The following PTPRD variants were observed in gnomAD, a reference collection of about 807,000 sequenced individuals.
The protein encoded by PTPRD is protein tyrosine phosphatase receptor type D, also known as receptor-type tyrosine-protein phosphatase delta.
A neutral mutation model predicts 214.5 loss-of-function variants in PTPRD; 34 were observed. That is an observed-to-expected ratio of 0.16 (90% confidence interval 0.12 to 0.21). The LOEUF (loss-of-function observed/expected upper bound fraction) is 0.21, where lower values mean the gene tolerates loss of function less well. PTPRD is among the 10% of genes least tolerant of loss of function. PTPRD has a pLI of 1.00. For synonymous variants in PTPRD, 1,128 were observed against 845.7 expected (o/e 1.33, Z -5.79); for missense variants, 2,545 against 2,398.7 (o/e 1.06, Z -1.27).
chr9:8,592,878 C>T (rs1472606504), intron 14 of PTPRD, among the ~76,000 whole-genome samples: 1 of 152,118 alleles, frequency 6.6e-6, no homozygotes, highest in East Asian at 1.9e-4. Flanking sequence ...GTGGTAGCAC[C>T]TAAGTTGAAT....
intron 2 of PTPRD, among the ~76,000 whole-genome samples, chr9:10,597,619 C>G (rs553802347): frequency 6.6e-6 from 1 of 151,838 alleles, no homozygotes; most frequent in East Asian, 1.9e-4. Flanking sequence ...TTAACGCATT[C>G]TGCACTTCAA....
At chr9:9,588,824 T>G (rs598356) in intron 7 of PTPRD, among the ~76,000 whole-genome samples, 47,526 of 151,746 alleles carry the variant, frequency 0.31, 7,876 homozygotes, top group Non-Finnish European at 0.36. Context: ...GAGGAATTAT[T>G]AAGAGCCAGA....
At chr9:10,228,955 T>C (rs1407913) in intron 3 of PTPRD, among the ~76,000 whole-genome samples, 100,643 of 151,660 alleles carry the variant, frequency 0.66, 35,958 homozygotes, top group Non-Finnish European at 0.79. Context: ...AAATAAGGCA[T>C]TGCTTCTTAA....
At chr9:9,783,337 C>A (rs1486832519) in intron 5 of PTPRD, among the ~76,000 whole-genome samples, 1 of 152,084 alleles carries the variant, frequency 6.6e-6, no homozygotes, top group African/African-American at 2.4e-5. Flanking sequence ...AATATCTGAG[C>A]TAATAATTGG....
chr9:9,807,780 TCATGATGCTAA>T (rs1255433440), intron 5 of PTPRD, among the ~76,000 whole-genome samples: 1 of 152,198 alleles, frequency 6.6e-6, no homozygotes, highest in Non-Finnish European at 1.5e-5. Flanking sequence ...GGATTTCTAC[TCATGATGCTAA>T]CATCATTAGG....
At position 8,436,821 on chromosome 9, in the gene PTPRD, G is replaced by A; in HGVS notation, c.3989-132C>T. ...GAGTAGTAAAGATGTTTTAGGTGAGGAAGCAGGCAAATAGTTTGGTTACTC... is the reference window on the plus strand; with the variant it reads ...GAGTAGTAAAGATGTTTTAGGTGAGAAAGCAGGCAAATAGTTTGGTTACTC... On this transcript the variant is annotated intron_variant, in intron 34 of 45. Coordinates refer to ENST00000381196, the MANE Select transcript of PTPRD (RefSeq NM_002839.4). 8.7e-6 allele frequency: 6 copies of A among 692,452 alleles called. No homozygotes were observed. The South Asian group carries it at 9.8e-5, about 11-fold the overall frequency. 42.9% of individuals were successfully genotyped at this position (692,452 alleles called of 1,614,324 possible). A position where few individuals can be genotyped will look rare whatever the true frequency, so the allele number is the denominator to read the frequency against.
At chr9:8,764,134 G>A (rs577548793) in intron 11 of PTPRD, among the ~76,000 whole-genome samples, 1 of 152,304 alleles carries the variant, frequency 6.6e-6, no homozygotes, top group South Asian at 2.1e-4. Context: ...TTCCAGGACT[G>A]CAGTTAAGTC....
intron 3 of PTPRD, among the ~76,000 whole-genome samples, chr9:10,098,488 TATA>T (rs894709375): frequency 1.3e-5 from 2 of 151,596 alleles, no homozygotes; most frequent in Middle Eastern, 3.4e-3. Flanking sequence ...AAACTTAAAG[TATA>T]ATAATAATAA....
chr9:9,426,647 G>A (rs187682324), intron 8 of PTPRD, among the ~76,000 whole-genome samples: 2 of 152,304 alleles, frequency 1.3e-5, no homozygotes, highest in East Asian at 1.9e-4. Context: ...CTAACTGGAA[G>A]GCACCTCCCA....
At chr9:10,434,263 G>A (rs1273646556) in intron 2 of PTPRD, among the ~76,000 whole-genome samples, 3 of 151,730 alleles carry the variant, frequency 2.0e-5, no homozygotes, top group Non-Finnish European at 4.4e-5. Context: ...TAAGACCTAT[G>A]CCTTATTTCA....
At chr9:9,785,139 T>C (rs1373695014) in intron 5 of PTPRD, among the ~76,000 whole-genome samples, 1 of 151,882 alleles carries the variant, frequency 6.6e-6, no homozygotes. Context: ...TCAATATTGA[T>C]GGCAAATACT....
At chr9:8,694,394 T>G (rs1488388218) in intron 12 of PTPRD, among the ~76,000 whole-genome samples, 1 of 152,118 alleles carries the variant, frequency 6.6e-6, no homozygotes, top group African/African-American at 2.4e-5. Context: ...ACTGATAACA[T>G]TCATACAAAC....
At chr9:10,605,730 A>G (rs1466331741) in intron 2 of PTPRD, among the ~76,000 whole-genome samples, 1 of 151,860 alleles carries the variant, frequency 6.6e-6, no homozygotes, top group Non-Finnish European at 1.5e-5. Context: ...GGAATCAAAA[A>G]TTTTATGATA....
chr9:8,672,995 T>C (rs17653014), intron 12 of PTPRD, among the ~76,000 whole-genome samples: 4,248 of 152,176 alleles, frequency 0.028, 114 homozygotes, highest in Non-Finnish European at 0.039. Flanking sequence ...AAACCTCCTA[T>C]CCATTTCCTA....
chr9:10,346,796 C>T (rs888239319), intron 2 of PTPRD, among the ~76,000 whole-genome samples: 1 of 152,122 alleles, frequency 6.6e-6, no homozygotes, highest in Admixed American at 6.6e-5. Flanking sequence ...AGGTGTGGGT[C>T]TGAAAGCAAG....
At chr9:8,860,231 G>C (rs1253016001) in intron 11 of PTPRD, 1 of 152,204 alleles carries the variant, frequency 6.6e-6, no homozygotes, top group Non-Finnish European at 1.5e-5. Flanking sequence ...CCTCATTTAA[G>C]AAGAACCCAG....
chr9:8,941,599 T>C (rs2099034249), intron 11 of PTPRD, among the ~76,000 whole-genome samples: 1 of 152,072 alleles, frequency 6.6e-6, no homozygotes, highest in South Asian at 2.1e-4. Flanking sequence ...AGTTTAAATA[T>C]GCACATGTAA....
chr9:9,274,956 C>G lies in PTPRD; in HGVS notation c.-202-91593G>C, dbSNP rs73641285. On this transcript the variant is annotated intron_variant, in intron 9 of 45. Coordinates refer to ENST00000381196, the MANE Select transcript of PTPRD (RefSeq NM_002839.4). ...AGATTTTAATAAACATGAAAAAAGT[C>G]TTTGAGAAGTCTTGCAATCTAATTT... Among the ~76,000 whole-genome samples, 244 of 142,066 alleles carry G rather than the reference C, an allele frequency of 1.7e-3. 2 individuals are homozygous for G. Among genetic ancestry groups the G allele is most frequent in the African/African-American group, 6.1e-3 (235 of 38,366 alleles). The allele number at this position is 142,066 out of a possible 152,430, so 93.2% of individuals were successfully genotyped here.
chr9:8,934,361 C>A (rs1426479959), intron 11 of PTPRD, among the ~76,000 whole-genome samples: 4 of 139,510 alleles, frequency 2.9e-5, no homozygotes, highest in Non-Finnish European at 6.1e-5. Flanking sequence ...CCCTTCCCAG[C>A]TTTATAGAGG....
Sources: allele counts gnomAD v4.1 joint callset (sites outside exome capture counted in the v4.1 genomes callset), GRCh38; gene constraint gnomAD v4.1.1; transcripts MANE v1.5; gene names NCBI Gene and HGNC (gene_info 2026-07-23, HGNC 2026-07-21).